The following HACD2 variants were observed in gnomAD, a reference collection of about 807,000 sequenced individuals.
HACD2 encodes the protein very-long-chain (3R)-3-hydroxyacyl-CoA dehydratase 2.
In HACD2, 15 loss-of-function variants were observed where a neutral mutation model predicts 31.0. That is an observed-to-expected ratio of 0.48 (90% CI 0.32 to 0.75). The LOEUF (loss-of-function observed/expected upper bound fraction) is 0.75, where lower values mean the gene tolerates loss of function less well. HACD2 is among the 30% of genes least tolerant of loss of function. HACD2 has a pLI of 0.03. For missense variants in HACD2, 283 were observed against 313.0 expected, an observed-to-expected ratio of 0.90 and a Z score of 0.72; for synonymous variants, 115 against 122.2, an observed-to-expected ratio of 0.94 and a Z score of 0.39.
chr3:123,583,478 G>A (rs548836604), intron 1 of HACD2, among the ~76,000 whole-genome samples: 4 of 152,078 alleles, frequency 2.6e-5, no homozygotes, highest in Non-Finnish European at 5.9e-5. Context: ...TATAAAGCTT[G>A]TATCTGTACT....
chr3:123,542,134 G>C (rs1325946241), intron 3 of HACD2, among the ~76,000 whole-genome samples: 1 of 81,098 alleles, frequency 1.2e-5, no homozygotes, highest in Non-Finnish European at 2.0e-5. Flanking sequence ...GCGACAGAGC[G>C]AGACTCCGTC....
At chr3:123,553,873 G>T (rs2056645324) in intron 3 of HACD2, among the ~76,000 whole-genome samples, 1 of 151,792 alleles carries the variant, frequency 6.6e-6, no homozygotes, top group South Asian at 2.1e-4. Flanking sequence ...AAACTTACTA[G>T]CTTGTGAGTA....
rs2055777250 is a variant in HACD2, at chr3:123,492,587, T to C, written c.*2301A>G. On this transcript the variant is annotated 3_prime_UTR_variant, in exon 7 of 7. Coordinates refer to ENST00000383657, the MANE Select transcript of HACD2 (RefSeq NM_198402.5). ...TACACACTGGGGTTGAGACCCTTTT[T>C]GAAAAGGGAGCTGTGTGCTGTGTTC... 6.6e-6 allele frequency: 1 copy of C among 152,210 alleles called. No homozygotes were observed. Among genetic ancestry groups the C allele is most frequent in the South Asian group, 2.1e-4 (1 of 4,834 alleles). The allele number at this position is 152,210 out of a possible 1,614,324, so 9.4% of individuals were successfully genotyped here. A position where few individuals can be genotyped will look rare whatever the true frequency, so the allele number is the denominator to read the frequency against.
At chr3:123,518,269 A>G (rs2056170705) in intron 4 of HACD2, among the ~76,000 whole-genome samples, 1 of 152,238 alleles carries the variant, frequency 6.6e-6, no homozygotes, top group Non-Finnish European at 1.5e-5. Flanking sequence ...TTAAAAATCT[A>G]GATTTCTGCC....
intron 3 of HACD2, among the ~76,000 whole-genome samples, chr3:123,554,807 T>C (rs1224916893): frequency 6.6e-6 from 1 of 151,502 alleles, no homozygotes; most frequent in African/African-American, 2.5e-5. Flanking sequence ...AGGGTCATGA[T>C]TTTGATTCCG....
intron 3 of HACD2, among the ~76,000 whole-genome samples, chr3:123,545,486 A>AAAATAAATAAATAAATAAATAAAT (rs138722084): frequency 8.9e-6 from 1 of 112,952 alleles, no homozygotes; most frequent in Non-Finnish European, 1.7e-5. Flanking sequence ...AGTCTCAGTA[A>AAAATAAATAAATAAATAAATAAAT]AAATAAATAA....
chr3:123,564,006 C>T (rs1239750912), intron 3 of HACD2, among the ~76,000 whole-genome samples: 1 of 152,214 alleles, frequency 6.6e-6, no homozygotes, highest in Non-Finnish European at 1.5e-5. Context: ...CTGAAAGACA[C>T]CCAGCAAACT....
At chr3:123,502,415 A>G in intron 5 of HACD2, 145 bp downstream of exon 5, 1 of 745,576 alleles carries the variant, frequency 1.3e-6, no homozygotes, top group Non-Finnish European at 2.1e-6. Flanking sequence ...ACAGACTCCT[A>G]TTCTGATGAA....
At chr3:123,514,780 T>C (rs928869539) in intron 4 of HACD2, among the ~76,000 whole-genome samples, 1 of 152,236 alleles carries the variant, frequency 6.6e-6, no homozygotes, top group South Asian at 2.1e-4. Flanking sequence ...ATGCTTTAGA[T>C]TGGGATAATA....
intron 4 of HACD2, among the ~76,000 whole-genome samples, chr3:123,503,380 T>G (rs1324778532): frequency 2.6e-5 from 4 of 152,002 alleles, no homozygotes; most frequent in Admixed American, 2.0e-4. Flanking sequence ...TTCCTCCCAT[T>G]AGAGACTTCT....
chr3:123,503,588 G>A (rs1056319295), intron 4 of HACD2, among the ~76,000 whole-genome samples: 4 of 151,764 alleles, frequency 2.6e-5, no homozygotes, highest in East Asian at 1.9e-4. Context: ...ATTTACTGCC[G>A]TGGTTTTAAC....
At chr3:123,497,569 C>G (rs1160702868) in intron 6 of HACD2, among the ~76,000 whole-genome samples, 1 of 152,218 alleles carries the variant, frequency 6.6e-6, no homozygotes, top group Non-Finnish European at 1.5e-5. Flanking sequence ...CCAGCTTCTC[C>G]AGGTCCTCAC....
At chr3:123,532,547 A>G (rs894835246) in intron 3 of HACD2, among the ~76,000 whole-genome samples, 6 of 152,308 alleles carry the variant, frequency 3.9e-5, no homozygotes, top group South Asian at 4.1e-4. Context: ...ATAAGAAACT[A>G]AGGCCAGGCA....
At position 123,582,315 on chromosome 3, in the gene HACD2, G is replaced by A. The variant is rs1418033354; in HGVS notation, c.170C>T (p.Ala57Val). 4.4e-6 allele frequency: 7 copies of A among 1,578,110 alleles called. No individual in the cohort carries two copies. The highest frequency in any genetic ancestry group is 1.2e-5 in the South Asian group (1 of 84,532). The change falls in exon 2 of 7, where the codon GCG becomes GTG. Residue 57 changes from alanine to valine, a missense_variant. Transcript: ENST00000383657. Reference sequence around the variant, plus strand: ...CAGGTATGCTCGGACCAGACCAACCGCTATAACCAGCCACCTAGTAAAAGA... The same window carrying A: ...CAGGTATGCTCGGACCAGACCAACCACTATAACCAGCCACCTAGTAAAAGA... ...VVMTAGWLVI[A>V]VGLVRAYLAK... is the part of the protein sequence containing the mutation.
chr3:123,545,224 G>A (rs1284051058), intron 3 of HACD2, among the ~76,000 whole-genome samples: 3 of 149,214 alleles, frequency 2.0e-5, no homozygotes, highest in African/African-American at 4.9e-5. Flanking sequence ...GCTCACGCCT[G>A]TAATCCCAGC....
intron 3 of HACD2, among the ~76,000 whole-genome samples, chr3:123,550,526 C>G (rs1166480274): frequency 6.6e-6 from 1 of 152,058 alleles, no homozygotes; most frequent in African/African-American, 2.4e-5. Context: ...AAATGATGTT[C>G]CCTGAAAGGA....
At chr3:123,514,232 G>A (rs547904866) in intron 4 of HACD2, among the ~76,000 whole-genome samples, 5 of 152,066 alleles carry the variant, frequency 3.3e-5, no homozygotes, top group African/African-American at 4.8e-5. Flanking sequence ...CCAAGATCTC[G>A]CCATTGCACT....
chr3:123,564,308 A>T (rs891648378), intron 3 of HACD2, among the ~76,000 whole-genome samples: 2 of 152,200 alleles, frequency 1.3e-5, no homozygotes, highest in East Asian at 3.9e-4. Context: ...ATGAGAAGAG[A>T]TCACCCACAG....
intron 3 of HACD2, among the ~76,000 whole-genome samples, chr3:123,544,588 A>C (rs1011930168): frequency 1.3e-5 from 2 of 152,154 alleles, no homozygotes; most frequent in African/African-American, 4.8e-5. Flanking sequence ...TATCAATGTC[A>C]GGTTTTTTCA....
Sources: gnomAD v4.1 joint callset for allele counts (sites outside exome capture counted in the v4.1 genomes callset) on GRCh38, gnomAD v4.1.1 for gene constraint, MANE v1.5 for transcripts, NCBI Gene and HGNC (gene_info 2026-07-23, HGNC 2026-07-21) for gene names.